TIMM23B: variants seen among roughly 807,000 people sequenced by gnomAD.
TIMM23B encodes the protein mitochondrial import inner membrane translocase subunit Tim23B.
TIMM23B carries 27 observed loss-of-function variants against 27.3 expected under a neutral mutation model. The ratio of observed to expected loss-of-function variants is 0.99; its 90% confidence interval spans 0.73 to 1.36. The LOEUF (loss-of-function observed/expected upper bound fraction) is 1.36, where lower values mean the gene tolerates loss of function less well. Ranked by LOEUF, TIMM23B falls within the 40% of genes most tolerant of loss-of-function variation. TIMM23B has a pLI of 0.00. For synonymous variants in TIMM23B, 73 were observed against 92.4 expected (o/e 0.79, Z 1.21); for missense variants, 205 against 244.2 (o/e 0.84, Z 1.07).
At chr10:49,952,298 G>A (rs1839556750) in intron 3 of TIMM23B, 79 bp downstream of exon 3, 2 of 1,478,248 alleles carry the variant, frequency 1.4e-6, no homozygotes, top group South Asian at 2.5e-5. Flanking sequence ...CAATTAGAAT[G>A]TTGGTTTCAG....
At chr10:49,955,897 T>C (rs1169472899) in intron 5 of TIMM23B, among the ~76,000 whole-genome samples, 1 of 152,224 alleles carries the variant, frequency 6.6e-6, no homozygotes, top group Admixed American at 6.5e-5. Flanking sequence ...TGCTGATGTC[T>C]GCATTCCTCC....
intron 6 of TIMM23B, among the ~76,000 whole-genome samples, chr10:49,962,320 A>T (rs1350363866): frequency 6.6e-6 from 1 of 151,210 alleles, no homozygotes; most frequent in Admixed American, 6.6e-5. Context: ...CTCCTGCCTC[A>T]GCTTCCCAAG....
At chr10:49,948,235 G>A (rs1395015260) in intron 2 of TIMM23B, among the ~76,000 whole-genome samples, 1 of 152,174 alleles carries the variant, frequency 6.6e-6, no homozygotes, top group Non-Finnish European at 1.5e-5. Context: ...TGTTGAGGAT[G>A]TAGAGAAATT....
intron 4 of TIMM23B, among the ~76,000 whole-genome samples, chr10:49,953,201 A>G (rs1425509074): frequency 6.6e-6 from 1 of 151,868 alleles, no homozygotes; most frequent in Non-Finnish European, 1.5e-5. Flanking sequence ...TGCTTCATGT[A>G]AGTGGAATCA....
chr10:49,969,580 C>T (rs1224750626), intron 6 of TIMM23B, among the ~76,000 whole-genome samples: 3 of 151,114 alleles, frequency 2.0e-5, no homozygotes, highest in Non-Finnish European at 4.4e-5. Context: ...GTGGTACATG[C>T]TACTCCCGAG....
chr10:49,963,266 C>A, intron 6 of TIMM23B, among the ~76,000 whole-genome samples: 1 of 152,062 alleles, frequency 6.6e-6, no homozygotes, highest in Non-Finnish European at 1.5e-5. Context: ...ACACTCCAGC[C>A]TGGGCAATAG....
At chr10:49,970,819 C>A (rs1840408617) in intron 6 of TIMM23B, among the ~76,000 whole-genome samples, 1 of 152,240 alleles carries the variant, frequency 6.6e-6, no homozygotes, top group African/African-American at 2.4e-5. Context: ...GCCACCCCAT[C>A]TGGGAGGTGT....
At chr10:49,948,680 G>A (rs1158636434) in intron 2 of TIMM23B, among the ~76,000 whole-genome samples, 3 of 152,224 alleles carry the variant, frequency 2.0e-5, no homozygotes, top group Non-Finnish European at 4.4e-5. Flanking sequence ...GGACAAGAAA[G>A]TAGATTAGTA....
In TIMM23B at chr10:49,973,163, T is replaced by G; in HGVS notation, c.*99T>G. 1.3e-6 allele frequency: 1 copy of G among 743,870 alleles called. No homozygotes were observed. The highest frequency in any genetic ancestry group is 2.2e-6 in the Non-Finnish European group (1 of 446,504). 46.1% of individuals were successfully genotyped at this position (743,870 alleles called of 1,614,324 possible). The stretch of plus-strand genomic sequence containing the variant: ...TATTAGTAAGTGTACCTCTGACATT[T>G]TAACCACCTCTGACTTTTCCATGGA... On this transcript the variant is annotated 3_prime_UTR_variant, in exon 7 of 7. Coordinates refer to ENST00000651259, the MANE Select transcript of TIMM23B (RefSeq NM_001290117.2).
intron 5 of TIMM23B, among the ~76,000 whole-genome samples, chr10:49,956,313 A>G (rs1487177078): frequency 6.6e-6 from 1 of 152,010 alleles, no homozygotes; most frequent in Non-Finnish European, 1.5e-5. Flanking sequence ...CTGCAAGAGC[A>G]TAGAAAGATG....
chr10:49,952,560 A>G (rs1839568735), intron 4 of TIMM23B, 27 bp downstream of exon 4: 3 of 1,611,738 alleles, frequency 1.9e-6, no homozygotes, highest in Non-Finnish European at 8.5e-7. Flanking sequence ...CATCTGATGT[A>G]GTGATACTTG....
intron 6 of TIMM23B, among the ~76,000 whole-genome samples, chr10:49,971,331 TAA>T (rs59579331): frequency 3.8e-4 from 45 of 117,644 alleles, no homozygotes; most frequent in Admixed American, 5.1e-4. Context: ...CAATAAATAC[TAA>T]AAAAAAAAAA....
At chr10:49,956,383 A>G (rs1194950949) in intron 5 of TIMM23B, among the ~76,000 whole-genome samples, 47 of 147,484 alleles carry the variant, frequency 3.2e-4, no homozygotes, top group African/African-American at 1.1e-3. Context: ...TGAGAATCAA[A>G]CCTCACTTTT....
chr10:49,942,703 A>G (rs2133037482), intron 1 of TIMM23B, among the ~76,000 whole-genome samples: 1 of 152,358 alleles, frequency 6.6e-6, no homozygotes, highest in African/African-American at 2.4e-5. Flanking sequence ...GCCTCCAAGT[A>G]GCCGTAAGGG....
intron 5 of TIMM23B, 151 bp from the exon 6 acceptor site, chr10:49,958,219 G>A: frequency 1.6e-6 from 1 of 628,124 alleles, no homozygotes; most frequent in Non-Finnish European, 2.9e-6. Flanking sequence ...CAGAACCAAG[G>A]ACAAATACCT....
At chr10:49,955,379 T>C (rs1461999247) in intron 5 of TIMM23B, among the ~76,000 whole-genome samples, 5 of 152,226 alleles carry the variant, frequency 3.3e-5, no homozygotes. Context: ...AGTAAAGAGC[T>C]TTGTATGTTA....
chr10:49,944,069 C>T (rs1241143066), intron 1 of TIMM23B, among the ~76,000 whole-genome samples: 2 of 152,194 alleles, frequency 1.3e-5, no homozygotes, highest in Non-Finnish European at 2.9e-5. Flanking sequence ...GCCAGTCTGT[C>T]TTCGTAGTTA....
At chr10:49,963,579 C>T (rs1220251458) in intron 6 of TIMM23B, among the ~76,000 whole-genome samples, 2 of 152,150 alleles carry the variant, frequency 1.3e-5, no homozygotes, top group Non-Finnish European at 2.9e-5. Flanking sequence ...TAATAAAATT[C>T]TGGGTGCGGT....
intron 6 of TIMM23B, among the ~76,000 whole-genome samples, chr10:49,967,499 GTTA>G (rs1554855618): frequency 6.7e-6 from 1 of 150,356 alleles, no homozygotes; most frequent in Non-Finnish European, 1.5e-5. Flanking sequence ...AGTGTTTCGA[GTTA>G]TTAAGACAGG....
Sources: allele counts gnomAD v4.1 joint callset (sites outside exome capture counted in the v4.1 genomes callset), GRCh38; gene constraint gnomAD v4.1.1; transcripts MANE v1.5; gene names NCBI Gene and HGNC (gene_info 2026-07-23, HGNC 2026-07-21).